NES: variants seen among roughly 807,000 people sequenced by gnomAD.
NES encodes nestin.
A neutral mutation model predicts 35.6 loss-of-function variants in NES; 27 were observed. The observed-to-expected ratio is 0.76, with a 90% CI of 0.56 to 1.04. The LOEUF (loss-of-function observed/expected upper bound fraction) is 1.04, where lower values mean the gene tolerates loss of function less well. Ranked by LOEUF, NES falls within the 50% of genes least tolerant of loss-of-function variation. The probability of loss-of-function intolerance (pLI) is 0.00; values close to 1 mark genes in which losing one functional copy is unlikely to be tolerated. For synonymous variants in NES, 822 were observed against 824.2 expected, an observed-to-expected ratio of 1.00 and a Z score of 0.04; for missense variants, 1,867 against 1,983.6, an observed-to-expected ratio of 0.94 and a Z score of 1.12.
Position 156,676,383 on chromosome 1 carries a change from A to T in NES, c.783+99T>A. Reference sequence around the variant, plus strand: ...AGAACTGGCTCCTGATTCAGCAGCCAGCTAGCCCCACTCCCTTCCCAGAAG... The same window carrying T: ...AGAACTGGCTCCTGATTCAGCAGCCTGCTAGCCCCACTCCCTTCCCAGAAG... On this transcript the variant is annotated intron_variant, in intron 1 of 3. Coordinates refer to ENST00000368223, the MANE Select transcript of NES (RefSeq NM_006617.2). This position sits in a 1 kb window ranked among gnomAD's most constrained non-coding sequence, Gnocchi z 5.3. The T allele has an allele frequency of 8.1e-7, 1 of 1,231,968 alleles. No individual in the cohort carries two copies. Among genetic ancestry groups the T allele is most frequent in the Non-Finnish European group, 1.1e-6 (1 of 882,638 alleles). 76.3% of individuals were successfully genotyped at this position (1,231,968 alleles called of 1,614,324 possible).
chr1:156,675,230 C>A lies in NES; in HGVS notation c.894G>T (p.Glu298Asp). 6.2e-7 allele frequency: 1 copy of A among 1,613,564 alleles called. No individual in the cohort carries two copies. Among genetic ancestry groups the A allele is most frequent in the African/African-American group, 1.3e-5 (1 of 75,058 alleles). Residue 298 changes from glutamate to aspartate, a missense_variant, in exon 2 of 4, where the codon GAG becomes GAT. By Grantham distance (45) the Glu-to-Asp change is conservative. Transcript: ENST00000368223. ...TCGTCTCGTACCTGTACGTGGCCACCTCCAGGCTGAGGGACATCTTGAGGT... is the reference window on the plus strand; with the variant it reads ...TCGTCTCGTACCTGTACGTGGCCACATCCAGGCTGAGGGACATCTTGAGGT... ...LAHLKMSLSL[E>D]VATYRTLLEA...
In NES at chr1:156,672,530, A is replaced by G. The variant is rs1207822119; in HGVS notation, c.1658T>C (p.Ile553Thr). 3 of 1,613,480 alleles carry G rather than the reference A, an allele frequency of 1.9e-6. No homozygotes were observed. Among genetic ancestry groups the G allele is most frequent in the South Asian group, 2.2e-5 (2 of 91,058 alleles). ...TTCCAGAGTCTTCAGTGACTCTTGA[A>G]TCTCCTCTCCCAGAGACTTCAGGGT... Reference protein sequence around the residue: ...KETLKSLGEEIQESLKTLENQ... With the variant: ...KETLKSLGEETQESLKTLENQ... Residue 553 changes from isoleucine (I) to threonine (T), a missense_variant, in exon 4 of 4, where the codon ATT becomes ACT. Transcript: ENST00000368223.
chr1:156,672,193 C>A lies in NES; in HGVS notation c.1995G>T (p.Glu665Asp). Residue 665 changes from glutamate to aspartate, a missense_variant, in exon 4 of 4, where the codon GAG becomes GAT. By Grantham distance (45) the Glu-to-Asp change is conservative (BLOSUM62 2). Coordinates refer to ENST00000368223, the MANE Select transcript of NES (RefSeq NM_006617.2). ...TCTCCTTTTCCAGAGCTGTCAATGA[C>A]TCTAAGTTCTCTTGCAGAGAACTTA... Reference protein sequence around the residue: ...ELVSSLQENLESLTALEKENQ... With the variant: ...ELVSSLQENLDSLTALEKENQ... 6.2e-7 allele frequency: 1 copy of A among 1,609,132 alleles called. No individual in the cohort carries two copies. The highest frequency in any genetic ancestry group is 8.5e-7 in the Non-Finnish European group (1 of 1,178,844).
In NES at chr1:156,670,437, C is replaced by T. The variant is rs376273097; in HGVS notation, c.3751G>A (p.Gly1251Arg). 126 of 1,562,046 alleles carry T rather than the reference C, an allele frequency of 8.1e-5. No individual in the cohort carries two copies. The highest frequency in any genetic ancestry group is 6.9e-4 in the Middle Eastern group (4 of 5,812). Residue 1251 changes from glycine (G) to arginine (R), a missense_variant, in exon 4 of 4, where the codon GGG (glycine) becomes AGG (arginine). Coordinates refer to ENST00000368223, the MANE Select transcript of NES (RefSeq NM_006617.2). The stretch of plus-strand genomic sequence containing the variant: ...ACTTTCCCCAGGGCTTCAGCCCTCC[C>T]CTGCACCCCCCAGCTAGCCTCCTGA... ...GSQEASWGVQGRAEALGKVES... is the reference protein window; with the variant it reads ...GSQEASWGVQRRAEALGKVES...
chr1:156,675,753 C>G (rs538589540), intron 1 of NES, among the ~76,000 whole-genome samples: 1 of 152,228 alleles, frequency 6.6e-6, no homozygotes, highest in East Asian at 1.9e-4. Context: ...GACTGGAAGG[C>G]AAACAGCCCC....
At chr1:156,675,791 A>G (rs12030360) in intron 1 of NES, among the ~76,000 whole-genome samples, 91,962 of 151,716 alleles carry the variant, frequency 0.61, 28,704 homozygotes, top group East Asian at 0.85. Flanking sequence ...ATCTCCCACA[A>G]CTGTCTCCTG....
At position 156,669,511 on chromosome 1, in the gene NES, C is replaced by G; in HGVS notation, c.4677G>C (p.Gln1559His). 4 of 1,611,728 alleles carry G rather than the reference C, an allele frequency of 2.5e-6. No homozygotes were observed. Among genetic ancestry groups the G allele is most frequent in the Non-Finnish European group, 3.4e-6 (4 of 1,178,202 alleles). ...VNGGVMNGLE[Q>H]SEEVGQGMPL... The stretch of plus-strand genomic sequence containing the variant: ...GCATTCCTTGCCCCACTTCCTCAGA[C>G]TGCTCCAGCCCGTTCATCACTCCCC... Residue 1559 changes from glutamine to histidine, a missense_variant, in exon 4 of 4, where the codon CAG (glutamine) becomes CAC (histidine). Transcript: ENST00000368223.
rs752999187 is a variant in NES, at chr1:156,669,054, T to C, written c.*268A>G. On this transcript the variant is annotated 3_prime_UTR_variant, in exon 4 of 4. Transcript: ENST00000368223. Reference sequence around the variant, plus strand: ...GCGGAGGGAAGGGGACCTAGTACTATCGGGATTCAGCTGACTTAGCCTATG... The same window carrying C: ...GCGGAGGGAAGGGGACCTAGTACTACCGGGATTCAGCTGACTTAGCCTATG... The C allele has an allele frequency of 2.0e-5, 7 of 350,066 alleles. No homozygotes were observed. The highest frequency in any genetic ancestry group is 3.6e-5 in the Non-Finnish European group (7 of 193,416). The allele number at this position is 350,066 out of a possible 1,614,324, so 21.7% of individuals were successfully genotyped here.
rs533722791 is a variant in NES, at chr1:156,669,580, A to G, written c.4608T>C (p.Asn1536=). The G allele has an allele frequency of 1.3e-4, 210 of 1,613,962 alleles. 1 individual carries two copies. The South Asian group carries it at 2.0e-3, about 16-fold the overall frequency. ...AGPGADIIGV[N]GQGPNLEGKS... ...TCCCCTCCAAGTTGGGACCCTGGCC[A>G]TTAACACCAATGATGTCTGCCCCTG... is the stretch of plus-strand genomic sequence containing the variant. The change falls in exon 4 of 4, where the codon AAT becomes AAC. Residue 1536 remains asparagine, a synonymous_variant. Transcript: ENST00000368223.
chr1:156,673,454 C>A lies in NES; in HGVS notation c.982G>T (p.Asp328Tyr). ...GGSKTSLSFQ[D>Y]PKLELQFPRT... ...GGGGGAACTTGGCCCCTCCTCTTAC[C>A]CTGAAAGCTGAGGGAAGTCTTGGAG... is the stretch of plus-strand genomic sequence containing the variant. The change falls in exon 3 of 4, where the codon GAC becomes TAC. Residue 328 changes from aspartate (D) to tyrosine (Y), a missense_variant and splice_region_variant. Transcript: ENST00000368223. 1 of 1,612,524 alleles carries A rather than the reference C, an allele frequency of 6.2e-7. No homozygotes were observed. Among genetic ancestry groups the A allele is most frequent in the Non-Finnish European group, 8.5e-7 (1 of 1,178,830 alleles).
At chr1:156,675,479 C>T (rs958058610) in intron 1 of NES, 139 bp from the exon 2 acceptor site, 3 of 999,522 alleles carry the variant, frequency 3.0e-6, no homozygotes, top group African/African-American at 1.6e-5. Flanking sequence ...CCCCCGCCTC[C>T]CCTACCCTAT....
Position 156,671,151 on chromosome 1 carries a change from G to A in NES, c.3037C>T (p.His1013Tyr), listed in dbSNP as rs758969972. Reference protein sequence around the residue: ...TEEVWIPGEGHPESPEPKEQR... With the variant: ...TEEVWIPGEGYPESPEPKEQR... ...TCTTTGGGCTCAGGGCTCTCTGGGT[G>A]CCCCTCGCCTGGGATCCAGACCTCC... is the stretch of plus-strand genomic sequence containing the variant. Residue 1013 changes from histidine (H) to tyrosine (Y), a missense_variant, in exon 4 of 4, where the codon CAC becomes TAC. His to Tyr is a moderately conservative substitution (Grantham distance 83, BLOSUM62 2). Coordinates refer to ENST00000368223, the MANE Select transcript of NES (RefSeq NM_006617.2). The A allele has an allele frequency of 1.2e-5, 19 of 1,613,926 alleles. No homozygotes were observed. The highest frequency in any genetic ancestry group is 1.4e-5 in the Non-Finnish European group (17 of 1,180,024).
In NES at chr1:156,670,812, C is replaced by G. The variant is rs778687362; in HGVS notation, c.3376G>C (p.Glu1126Gln). The G allele has an allele frequency of 5.6e-6, 9 of 1,614,098 alleles. No homozygotes were observed. In the South Asian group the frequency reaches 8.8e-5, roughly 16 times the overall value. ...REEVMEPPLE[E>Q]ESLEAKRVQG... is the part of the protein sequence containing the mutation. ...ACCCTCTTTGCCTCCAAACTCTCCT[C>G]TTCCAGGGGTGGTTCCATCACCTCT... Residue 1126 changes from glutamate to glutamine, a missense_variant, in exon 4 of 4, where the codon GAG becomes CAG. Coordinates refer to ENST00000368223, the MANE Select transcript of NES (RefSeq NM_006617.2).
chr1:156,676,424 A>T lies in NES; in HGVS notation c.783+58T>A, dbSNP rs1163283945. The T allele has an allele frequency of 4.0e-5, 62 of 1,560,896 alleles. No homozygotes were observed. The highest frequency in any genetic ancestry group is 5.1e-5 in the Non-Finnish European group (59 of 1,150,184). On this transcript the variant is annotated intron_variant, in intron 1 of 3. Transcript: ENST00000368223. The surrounding 1 kb of genome is among the most constrained non-coding windows in gnomAD (Gnocchi z 5.3). ...TTCCCAGAAGGTCTCTGAGCTTCAT[A>T]AGGGACTTTCTGGAGCTTTCTGGGA...
Position 156,669,562 on chromosome 1 carries a change from C to T in NES, c.4626G>A (p.Leu1542=). Residue 1542 remains leucine (L), a synonymous_variant, in exon 4 of 4, where the codon TTG becomes TTA. Transcript: ENST00000368223. ...CATTCACATGCTGTGACTTCCCCTC[C>T]AAGTTGGGACCCTGGCCATTAACAC... The part of the protein sequence containing the change: ...IIGVNGQGPN[L]EGKSQHVNGG... 1 of 1,613,680 alleles carries T rather than the reference C, an allele frequency of 6.2e-7. No homozygotes were observed. The highest frequency in any genetic ancestry group is 8.5e-7 in the Non-Finnish European group (1 of 1,179,636).
At position 156,673,482 on chromosome 1, in the gene NES, A is replaced by G; in HGVS notation, c.954T>C (p.Gly318=). 1 of 1,613,278 alleles carries G rather than the reference A, an allele frequency of 6.2e-7. No homozygotes were observed. ...GAAAGCTGAGGGAAGTCTTGGAGCC[A>G]CCGCCAGGTGTTTGCAGCCGGGAGT... The part of the protein sequence containing the change: ...AENSRLQTPG[G]GSKTSLSFQD... Residue 318 remains glycine, a synonymous_variant, in exon 3 of 4, where the codon GGT becomes GGC. Coordinates refer to ENST00000368223, the MANE Select transcript of NES (RefSeq NM_006617.2).
chr1:156,675,108 G>T, intron 2 of NES, 108 bp downstream of exon 2: 2 of 1,385,592 alleles, frequency 1.4e-6, no homozygotes, highest in Non-Finnish European at 2.0e-6. Flanking sequence ...GAACCCAGTG[G>T]CAGCAGAGTT....
At chr1:156,675,383 C>T (rs1486886869) in intron 1 of NES, 43 bp from the exon 2 acceptor site, 1 of 1,557,108 alleles carries the variant, frequency 6.4e-7, no homozygotes, top group Non-Finnish European at 8.7e-7. Context: ...GGCTGGGGTC[C>T]CTTCTGTGAA....
In NES at chr1:156,670,254, T is replaced by A; in HGVS notation, c.3934A>T (p.Arg1312Trp). Residue 1312 changes from arginine to tryptophan, a missense_variant, in exon 4 of 4, where the codon AGG becomes TGG. Transcript: ENST00000368223. ...GFYLRSPTSP[R>W]WDPTGEQRPP... is the part of the protein sequence containing the mutation. ...CTCTGCTCTCCAGTGGGGTCCCACCTGGGGGAGGTGGGGGACCTGAGGTAG... is the reference window on the plus strand; with the variant it reads ...CTCTGCTCTCCAGTGGGGTCCCACCAGGGGGAGGTGGGGGACCTGAGGTAG... 1.2e-6 allele frequency: 2 copies of A among 1,611,900 alleles called. No individual in the cohort carries two copies. The highest frequency in any genetic ancestry group is 1.7e-6 in the Non-Finnish European group (2 of 1,178,680).
Sources: allele counts gnomAD v4.1 joint callset (sites outside exome capture counted in the v4.1 genomes callset), GRCh38; gene constraint gnomAD v4.1.1; non-coding constraint Gnocchi (gnomAD v3.1); transcripts MANE v1.5; gene names NCBI Gene and HGNC (gene_info 2026-07-23, HGNC 2026-07-21).